The following NR2F1-AS1 variants were observed in gnomAD, a reference collection of about 807,000 sequenced individuals.
The protein encoded by NR2F1-AS1 is NR2F1 regulatory antisense RNA 1.
chr5:93,430,567 C>T (rs1749290013), intron 4 of NR2F1-AS1, among the ~76,000 whole-genome samples: 1 of 152,126 alleles, frequency 6.6e-6, no homozygotes, highest in Non-Finnish European at 1.5e-5. Context: ...ATACTCCAAA[C>T]AAGAAATTTG....
intron 4 of NR2F1-AS1, among the ~76,000 whole-genome samples, chr5:93,522,879 C>A (rs912000388): frequency 6.6e-6 from 1 of 152,176 alleles, no homozygotes; most frequent in Non-Finnish European, 1.5e-5. Flanking sequence ...GCTGCCAACA[C>A]CACCAGGGCC....
At chr5:93,433,273 A>T (rs567449405) in intron 4 of NR2F1-AS1, among the ~76,000 whole-genome samples, 2 of 152,270 alleles carry the variant, frequency 1.3e-5, no homozygotes, top group African/African-American at 4.8e-5. Flanking sequence ...AGGAAACTAG[A>T]ATTCCCTTGT....
chr5:93,483,041 C>T (rs953425437), intron 4 of NR2F1-AS1, among the ~76,000 whole-genome samples: 1 of 152,218 alleles, frequency 6.6e-6, no homozygotes, highest in Admixed American at 6.5e-5. Flanking sequence ...CTTAAACGTT[C>T]CTGCCTGCTG....
chr5:93,423,505 T>C lies in NR2F1-AS1; in HGVS notation n.639-27963A>G, dbSNP rs558440658. 8.4e-4 allele frequency among the ~76,000 whole-genome samples: 128 copies of C among 152,296 alleles called. 1 individual carries two copies. The highest frequency in any genetic ancestry group is 2.6e-3 in the African/African-American group (108 of 41,558). On this transcript the variant is annotated intron_variant and non_coding_transcript_variant, in intron 4 of 5. Transcript: ENST00000660523. ...GTCAACAGCCTTACCCCAGCATTAT[T>C]TCCTGAATACAGACTCAAACATTGC...
chr5:93,543,964 C>T (rs1353908122), intron 4 of NR2F1-AS1: 1 of 152,114 alleles, frequency 6.6e-6, no homozygotes, highest in Non-Finnish European at 1.5e-5. Flanking sequence ...CACAGTCTGA[C>T]ATTAGTGAAG....
intron 4 of NR2F1-AS1, among the ~76,000 whole-genome samples, chr5:93,500,457 CATTGCTCAGGGGAAAAAAA>C (rs1751055376): frequency 6.6e-6 from 1 of 151,782 alleles, no homozygotes; most frequent in Admixed American, 6.6e-5. Context: ...CAATGAGACC[CATTGCTCAGGGGAAAAAAA>C]AAAAGATTCC....
chr5:93,488,850 A>C (rs376589082), intron 4 of NR2F1-AS1, among the ~76,000 whole-genome samples: 1 of 152,318 alleles, frequency 6.6e-6, no homozygotes, highest in East Asian at 1.9e-4. Context: ...AACCAACCCA[A>C]ATGTCCATCA....
intron 4 of NR2F1-AS1, among the ~76,000 whole-genome samples, chr5:93,443,153 G>A (rs1478244390): frequency 1.3e-5 from 2 of 152,218 alleles, no homozygotes; most frequent in East Asian, 3.8e-4. Context: ...CCAAAGGAAT[G>A]CAGCTCCTCA....
At chr5:93,455,398 A>G (rs139331631) in intron 4 of NR2F1-AS1, among the ~76,000 whole-genome samples, 1 of 152,314 alleles carries the variant, frequency 6.6e-6, no homozygotes, top group African/African-American at 2.4e-5. Context: ...TCACTAGTAA[A>G]TTAAAACAAA....
At chr5:93,500,804 A>G (rs1580280618) in intron 4 of NR2F1-AS1, among the ~76,000 whole-genome samples, 3 of 152,116 alleles carry the variant, frequency 2.0e-5, no homozygotes, top group African/African-American at 7.2e-5. Context: ...CATGCCCAGC[A>G]AATTTTTTGT....
chr5:93,575,933 T>C (rs1752884668), intron 1 of NR2F1-AS1, among the ~76,000 whole-genome samples: 2 of 152,134 alleles, frequency 1.3e-5, no homozygotes. Flanking sequence ...AACTGAAAAA[T>C]CTTTAAGTAC....
chr5:93,537,165 A>T (rs552231009), intron 4 of NR2F1-AS1, among the ~76,000 whole-genome samples: 65 of 152,348 alleles, frequency 4.3e-4, no homozygotes, highest in Non-Finnish European at 2.9e-5. Context: ...CTCAAAATGG[A>T]TTAGACTTAA....
intron 4 of NR2F1-AS1, among the ~76,000 whole-genome samples, chr5:93,467,715 T>C (rs907832055): frequency 2.6e-5 from 4 of 152,220 alleles, no homozygotes; most frequent in East Asian, 1.9e-4. Context: ...CTAGGGTACA[T>C]GTGTACAATG....
chr5:93,531,017 C>T (rs1751725300), intron 4 of NR2F1-AS1, among the ~76,000 whole-genome samples: 1 of 152,042 alleles, frequency 6.6e-6, no homozygotes, highest in African/African-American at 2.4e-5. Context: ...TTAAGAGCTG[C>T]CATTTTTTTG....
chr5:93,426,620 T>C (rs1214522644), intron 4 of NR2F1-AS1, among the ~76,000 whole-genome samples: 2 of 152,192 alleles, frequency 1.3e-5, no homozygotes, highest in Admixed American at 6.5e-5. Context: ...GTAACACATG[T>C]AAAGCAGCTA....
intron 4 of NR2F1-AS1, among the ~76,000 whole-genome samples, chr5:93,416,170 A>G (rs1257205421): frequency 1.3e-5 from 2 of 152,232 alleles, no homozygotes; most frequent in Non-Finnish European, 2.9e-5. Context: ...ACATGGACTT[A>G]ATGCCTTTCT....
Position 93,538,120 on chromosome 5 carries a change from C to G in NR2F1-AS1, n.638+15641G>C, listed in dbSNP as rs143406137. Among the ~76,000 whole-genome samples the G allele has an allele frequency of 8.1e-3, 1,231 of 152,168 alleles. 11 individuals carry two copies. Among genetic ancestry groups the G allele is most frequent in the Middle Eastern group, 0.014 (4 of 294 alleles). On this transcript the variant is annotated intron_variant and non_coding_transcript_variant, in intron 4 of 5. Coordinates refer to ENST00000660523, the Ensembl canonical transcript of NR2F1-AS1. ...GGGATGGACTCCAGCCACATACAAC[C>G]CTGAACTGGCATAATGGGTTGGAAA...
At chr5:93,472,890 A>G (rs1417533060) in intron 4 of NR2F1-AS1, among the ~76,000 whole-genome samples, 1 of 151,970 alleles carries the variant, frequency 6.6e-6, no homozygotes, top group Non-Finnish European at 1.5e-5. Context: ...AATAGCTCCT[A>G]ATCATTTAAA....
chr5:93,504,661 C>G (rs1255303133), intron 4 of NR2F1-AS1, among the ~76,000 whole-genome samples: 2 of 151,898 alleles, frequency 1.3e-5, no homozygotes, highest in African/African-American at 4.8e-5. Flanking sequence ...ATGGCAGCAG[C>G]AAGAGAAAAT....
Sources: gnomAD v4.1 joint callset for allele counts (sites outside exome capture counted in the v4.1 genomes callset) on GRCh38, gnomAD v4.1.1 for gene constraint, MANE v1.5 for transcripts, NCBI Gene and HGNC (gene_info 2026-07-23, HGNC 2026-07-21) for gene names.